Variants in NIBAN2 observed in about 807,000 individuals in gnomAD.
NIBAN2 encodes the protein niban apoptosis regulator 2.
In NIBAN2, 36 loss-of-function variants were observed where a neutral mutation model predicts 81.8. That is an observed-to-expected ratio of 0.44 (90% CI 0.34 to 0.58). NIBAN2 has a LOEUF of 0.58. Among genes scored for constraint, NIBAN2 ranks in the 20% least tolerant of loss-of-function variants. The pLI, the probability that NIBAN2 is intolerant of heterozygous loss-of-function variation, is 0.02. For missense variants in NIBAN2, 897 were observed against 1,014.1 expected, an observed-to-expected ratio of 0.88 and a Z score of 1.57; for synonymous variants, 445 against 441.6, an observed-to-expected ratio of 1.01 and a Z score of -0.10.
intron 2 of NIBAN2, among the ~76,000 whole-genome samples, 196 bp from the exon 3 acceptor site, chr9:127,527,518 C>T (rs941293761): frequency 5.3e-5 from 8 of 152,200 alleles, no homozygotes; most frequent in Admixed American, 2.0e-4. Flanking sequence ...AGGAGCGAGA[C>T]TCGGAGCCGT....
rs779233626 is a variant in NIBAN2 at position 127,508,526 on chromosome 9, C to T, written c.1330G>A (p.Ala444Thr). Residue 444 changes from alanine (A) to threonine (T), a missense_variant, in exon 11 of 14, where the codon GCC becomes ACC. Around this residue, in one of 3 missense-constraint regions of NIBAN2, gnomAD observed 619 missense variants for 691.0 expected, o/e 0.90. Coordinates refer to ENST00000373312, the MANE Select transcript of NIBAN2 (RefSeq NM_022833.4). This position sits in a 1 kb window ranked among gnomAD's most constrained non-coding sequence, Gnocchi z 6.4. The stretch of plus-strand genomic sequence containing the variant: ...AGGAGGGTCTCGAACGTATACACGG[C>T]ATTGTCCATTTGCTGCAGGGCATAC... ...QIHMREQMDN[A>T]VYTFETLLHQ... The T allele has an allele frequency of 3.1e-6, 5 of 1,613,758 alleles. No individual in the cohort carries two copies. In the South Asian group the frequency reaches 5.5e-5, roughly 18 times the overall value.
chr9:127,510,002 G>T, intron 9 of NIBAN2, 144 bp downstream of exon 9: 1 of 696,096 alleles, frequency 1.4e-6, no homozygotes, highest in Non-Finnish European at 2.3e-6. Flanking sequence ...CACAGCCTCT[G>T]CCCCTAGTCC....
chr9:127,551,049 C>G (rs960960168), intron 1 of NIBAN2, among the ~76,000 whole-genome samples: 1 of 152,056 alleles, frequency 6.6e-6, no homozygotes, highest in South Asian at 2.1e-4. Flanking sequence ...AAAAGGGAAG[C>G]CAGTGATCCC....
intron 5 of NIBAN2, among the ~76,000 whole-genome samples, chr9:127,522,367 A>G (rs1276906312): frequency 2.6e-5 from 4 of 152,260 alleles, no homozygotes; most frequent in Non-Finnish European, 1.5e-5. Context: ...CCTCTGCACC[A>G]TGTGGCACTG....
upstream of NIBAN2, among the ~76,000 whole-genome samples, chr9:127,570,752 G>A (rs1251796296): frequency 1.3e-5 from 2 of 152,264 alleles, no homozygotes; most frequent in Non-Finnish European, 2.9e-5. Context: ...GACAGCATGG[G>A]CAGGGGCCCA....
chr9:127,558,599 G>A (rs1174059765), intron 1 of NIBAN2, among the ~76,000 whole-genome samples: 1 of 152,124 alleles, frequency 6.6e-6, no homozygotes, highest in Non-Finnish European at 1.5e-5. Context: ...GCAGGGCTAG[G>A]GGAGGTGTGG....
rs1423856013 is a variant in NIBAN2 at position 127,510,132 on chromosome 9, G to A, written c.1161+14C>T. On this transcript the variant is annotated intron_variant, in intron 9 of 13. Transcript: ENST00000373312. Reference sequence around the variant, plus strand: ...TCTCAGGAGACCCCCTCCTAGGGGCGGTGCCGGCCTCACCTCGCCCAGCTT... The same window carrying A: ...TCTCAGGAGACCCCCTCCTAGGGGCAGTGCCGGCCTCACCTCGCCCAGCTT... 7 of 1,599,002 alleles carry A rather than the reference G, an allele frequency of 4.4e-6. No individual in the cohort carries two copies. In the Admixed American group the frequency reaches 6.7e-5, roughly 15 times the overall value.
At chr9:127,516,525 G>A (rs1836833130) in intron 8 of NIBAN2, among the ~76,000 whole-genome samples, 1 of 152,182 alleles carries the variant, frequency 6.6e-6, no homozygotes, top group East Asian at 1.9e-4. Flanking sequence ...TTCCAGCCTG[G>A]GTGACAGAAT....
At chr9:127,548,337 C>T (rs909508390) in intron 1 of NIBAN2, among the ~76,000 whole-genome samples, 3 of 152,214 alleles carry the variant, frequency 2.0e-5, no homozygotes, top group Non-Finnish European at 4.4e-5. Flanking sequence ...CTCTGTGACA[C>T]TGGCATGGAG....
chr9:127,569,108 GC>G (rs1257627597), upstream of NIBAN2: 1 of 991,182 alleles, frequency 1.0e-6, no homozygotes, highest in African/African-American at 2.0e-5. Context: ...GCACCCCGGC[GC>G]CCCGCTCCGC....
intron 1 of NIBAN2, among the ~76,000 whole-genome samples, chr9:127,550,587 C>T (rs1389363898): frequency 6.6e-6 from 1 of 152,220 alleles, no homozygotes; most frequent in East Asian, 1.9e-4. Flanking sequence ...CAGAGCTCTG[C>T]AGTTCAGTCT....
intron 3 of NIBAN2, among the ~76,000 whole-genome samples, chr9:127,526,317 T>G (rs1281826004): frequency 6.7e-6 from 1 of 150,368 alleles, no homozygotes; most frequent in Non-Finnish European, 1.5e-5. Context: ...GGAGAATCAC[T>G]TGAGCCAGGG....
chr9:127,546,951 C>A (rs1837482618), intron 1 of NIBAN2, among the ~76,000 whole-genome samples: 1 of 150,730 alleles, frequency 6.6e-6, no homozygotes, highest in South Asian at 2.1e-4. Flanking sequence ...AGCTGAGACA[C>A]AAAGAGTCCC....
At chr9:127,567,855 T>C (rs1486107104) in intron 1 of NIBAN2, among the ~76,000 whole-genome samples, 1 of 152,138 alleles carries the variant, frequency 6.6e-6, no homozygotes. Flanking sequence ...AAGAAATCAC[T>C]GACCCCATTT....
Position 127,536,466 on chromosome 9 carries a change from G to A in NIBAN2, c.56-4688C>T, listed in dbSNP as rs1044333410. On this transcript the variant is annotated intron_variant, in intron 1 of 13. Transcript: ENST00000373312. The surrounding 1 kb of genome is among the most constrained non-coding windows in gnomAD (Gnocchi z 4.0). ...CCACTTTTCCTTCTTGCTCCCTGCA[G>A]TGGCTCTCCCCCGGCATTGTTGCTT... Among the ~76,000 whole-genome samples, 7 of 152,222 alleles carry A rather than the reference G, an allele frequency of 4.6e-5. No individual in the cohort carries two copies. Among genetic ancestry groups the A allele is most frequent in the Non-Finnish European group, 7.3e-5 (5 of 68,028 alleles).
intron 5 of NIBAN2, among the ~76,000 whole-genome samples, chr9:127,519,572 C>T (rs1040943011): frequency 6.6e-6 from 1 of 152,274 alleles, no homozygotes; most frequent in African/African-American, 2.4e-5. Flanking sequence ...TCCCTCCTCT[C>T]CCCACACCCA....
At chr9:127,543,521 C>G (rs1187835648) in intron 1 of NIBAN2, among the ~76,000 whole-genome samples, 1 of 152,144 alleles carries the variant, frequency 6.6e-6, no homozygotes, top group East Asian at 1.9e-4. Flanking sequence ...TCTCTGGGCT[C>G]TGATGGCCCC....
intron 1 of NIBAN2, among the ~76,000 whole-genome samples, chr9:127,534,181 C>A (rs534624345): frequency 6.6e-6 from 1 of 152,254 alleles, no homozygotes; most frequent in Non-Finnish European, 1.5e-5. Flanking sequence ...AGGCTGCATT[C>A]GATGACGGAC....
rs996997642 is a variant in NIBAN2 at position 127,545,204 on chromosome 9, C to T, written c.56-13426G>A. Among the ~76,000 whole-genome samples, 1 of 152,128 alleles carries T rather than the reference C, an allele frequency of 6.6e-6. No homozygotes were observed. The highest frequency in any genetic ancestry group is 1.5e-5 in the Non-Finnish European group (1 of 68,026). On this transcript the variant is annotated intron_variant, in intron 1 of 13. Coordinates refer to ENST00000373312, the MANE Select transcript of NIBAN2 (RefSeq NM_022833.4). The surrounding 1 kb of genome is among the most constrained non-coding windows in gnomAD (Gnocchi z 4.7). ...TTGTGCCTGGCCAACTCCTCTTTCT[C>T]CTCCCCAGGCTCAAGTGCCACCTCC... is the stretch of plus-strand genomic sequence containing the variant.
Sources: gnomAD v4.1 joint callset for allele counts (sites outside exome capture counted in the v4.1 genomes callset) on GRCh38, gnomAD v4.1.1 for gene constraint, gnomAD v4.1.1 regional missense constraint, Gnocchi (gnomAD v3.1) non-coding constraint, MANE v1.5 for transcripts, NCBI Gene and HGNC (gene_info 2026-07-23, HGNC 2026-07-21) for gene names.